Variants in CCDC39 observed in about 807,000 individuals in gnomAD.
CCDC39 encodes the protein coiled-coil domain-containing protein 39.
A neutral mutation model predicts 121.0 loss-of-function variants in CCDC39; 113 were observed. The ratio of observed to expected loss-of-function variants is 0.93; its 90% CI spans 0.80 to 1.09. CCDC39 has a LOEUF of 1.09. CCDC39 is among the 50% of genes least tolerant of loss of function. The pLI, the probability that CCDC39 is intolerant of heterozygous loss-of-function variation, is 0.00. For missense variants in CCDC39, 1,063 were observed against 1,074.7 expected (o/e 0.99, Z 0.15); for synonymous variants, 349 against 352.2 (o/e 0.99, Z 0.10).
chr3:180,654,689 G>A, intron 7 of CCDC39, 73 bp downstream of exon 7: 2 of 968,084 alleles, frequency 2.1e-6, no homozygotes, highest in Non-Finnish European at 2.9e-6. Context: ...CACAGGAAAA[G>A]CTTTATGCTT....
chr3:180,641,289 T>C (rs1717950031), intron 13 of CCDC39, among the ~76,000 whole-genome samples: 1 of 152,044 alleles, frequency 6.6e-6, no homozygotes. Flanking sequence ...GTAAAAGGTA[T>C]CTAAAAAATA....
chr3:180,642,029 T>C lies in CCDC39; in HGVS notation c.1838A>G (p.Gln613Arg), dbSNP rs775898446. Residue 613 changes from glutamine (Q) to arginine (R), a missense_variant, in exon 13 of 20, where the codon CAA (glutamine) becomes CGA (arginine). Physicochemically the swap from Gln to Arg is conservative, Grantham distance 43 (BLOSUM62 1). Transcript: ENST00000476379. ...IKVHKTMLAS[Q>R]IRYVDQEREN... ...CCGTTCTTGATCAACATATCTTATT[T>C]GTGACGCAAGCATTGTTTTATGAAC... 6.2e-7 allele frequency: 1 copy of C among 1,603,080 alleles called. No homozygotes were observed. The highest frequency in any genetic ancestry group is 1.1e-5 in the South Asian group (1 of 88,652).
chr3:180,655,541 G>C (rs1208313785), intron 6 of CCDC39, among the ~76,000 whole-genome samples: 1 of 131,330 alleles, frequency 7.6e-6, no homozygotes, highest in African/African-American at 2.8e-5. Context: ...GGATAGGGAA[G>C]AAAAAAAAAA....
chr3:180,627,444 T>A (rs975147552), intron 14 of CCDC39, among the ~76,000 whole-genome samples: 6 of 152,180 alleles, frequency 3.9e-5, no homozygotes, highest in African/African-American at 1.4e-4. Context: ...AGGAGTTGAA[T>A]TTGTTCATTT....
chr3:180,616,441 T>G, intron 18 of CCDC39, 75 bp downstream of exon 18: 1 of 1,506,292 alleles, frequency 6.6e-7, no homozygotes, highest in Non-Finnish European at 8.9e-7. Flanking sequence ...TAGCTTTCAC[T>G]TCATGATGAA....
chr3:180,617,128 C>G (rs1432981939), intron 16 of CCDC39, among the ~76,000 whole-genome samples, 162 bp from the exon 17 acceptor site: 1 of 151,978 alleles, frequency 6.6e-6, no homozygotes, highest in Non-Finnish European at 1.5e-5. Context: ...CAATGATGGA[C>G]TGTATATATG....
rs758021808 is a variant in CCDC39 at position 180,616,808 on chromosome 3, T to A, written c.2406+18A>T. 11 of 1,605,688 alleles carry A rather than the reference T, an allele frequency of 6.9e-6. No homozygotes were observed. The highest frequency in any genetic ancestry group is 9.4e-6 in the Non-Finnish European group (11 of 1,175,892). On this transcript the variant is annotated intron_variant, in intron 17 of 19. Transcript: ENST00000476379. ...AAAATGTAAATATGAAAGGTCAGTTTTTAAAAGATATCGATACCTGTTTGG... is the reference window on the plus strand; with the variant it reads ...AAAATGTAAATATGAAAGGTCAGTTATTAAAAGATATCGATACCTGTTTGG...
At chr3:180,664,098 A>G (rs1161263869) in intron 1 of CCDC39, 112 bp from the exon 2 acceptor site, 4 of 905,554 alleles carry the variant, frequency 4.4e-6, no homozygotes, top group African/African-American at 1.7e-5. Flanking sequence ...GTCAATTTGG[A>G]CTGCTATAAC....
intron 13 of CCDC39, among the ~76,000 whole-genome samples, chr3:180,633,090 C>G (rs1381709279): frequency 6.6e-6 from 1 of 152,156 alleles, no homozygotes; most frequent in African/African-American, 2.4e-5. Flanking sequence ...ACCATGAAAT[C>G]CTAACCCTGC....
At chr3:180,674,579 A>C (rs1712138686) in intron 1 of CCDC39, among the ~76,000 whole-genome samples, 1 of 152,182 alleles carries the variant, frequency 6.6e-6, no homozygotes. Flanking sequence ...GAATGCTTCC[A>C]GTTTTTGCCC....
In CCDC39 at chr3:180,676,285, A is replaced by G. The variant is rs1488539393; in HGVS notation, c.90+3006T>C. ...ATATCCAGAATCTACAAAGAACTCA[A>G]ACAAATTTACAAGAGAAAAACAAAC... is the stretch of plus-strand genomic sequence containing the variant. On this transcript the variant is annotated intron_variant, in intron 1 of 19. Coordinates refer to ENST00000476379, the MANE Select transcript of CCDC39 (RefSeq NM_181426.2). Among the ~76,000 whole-genome samples the G allele has an allele frequency of 5.3e-5, 8 of 152,216 alleles. No individual in the cohort carries two copies. In the East Asian group the frequency reaches 7.7e-4, roughly 15 times the overall value.
At chr3:180,657,980 C>G (rs1389506437) in intron 6 of CCDC39, among the ~76,000 whole-genome samples, 3 of 152,120 alleles carry the variant, frequency 2.0e-5, no homozygotes, top group Admixed American at 6.5e-5. Flanking sequence ...TGGCTCACGC[C>G]TGTAATCCCA....
chr3:180,623,417 C>G (rs1457368388), intron 14 of CCDC39, among the ~76,000 whole-genome samples: 2 of 151,880 alleles, frequency 1.3e-5, no homozygotes, highest in Non-Finnish European at 2.9e-5. Flanking sequence ...TTTCCTTGAT[C>G]ATTTGTAAAT....
At chr3:180,677,162 ATAATT>A (rs1366339549) in intron 1 of CCDC39, among the ~76,000 whole-genome samples, 8 of 84,580 alleles carry the variant, frequency 9.5e-5, no homozygotes, top group African/African-American at 4.0e-4. Flanking sequence ...AATAATAATA[ATAATT>A]TTATATATAT....
At chr3:180,627,284 A>G (rs1717586401) in intron 14 of CCDC39, among the ~76,000 whole-genome samples, 1 of 152,250 alleles carries the variant, frequency 6.6e-6, no homozygotes, top group Non-Finnish European at 1.5e-5. Context: ...TAGCAAAAAA[A>G]TTATAGAAAT....
At chr3:180,669,258 G>A (rs1711967883) in intron 1 of CCDC39, among the ~76,000 whole-genome samples, 1 of 151,850 alleles carries the variant, frequency 6.6e-6, no homozygotes, top group Non-Finnish European at 1.5e-5. Flanking sequence ...TAGCTTTTTA[G>A]TATGGTAGGG....
chr3:180,614,734 A>C lies in CCDC39; in HGVS notation c.*187T>G. On this transcript the variant is annotated 3_prime_UTR_variant, in exon 20 of 20. Coordinates refer to ENST00000476379, the MANE Select transcript of CCDC39 (RefSeq NM_181426.2). ...GTAGCCTTGTCAAGAATCTGCTATT[A>C]ATTTCTTCAGTATGAAGAAAACAGT... 4 of 520,622 alleles carry C rather than the reference A, an allele frequency of 7.7e-6. No homozygotes were observed. The highest frequency in any genetic ancestry group is 1.3e-5 in the Non-Finnish European group (4 of 302,116). The allele number at this position is 520,622 out of a possible 1,614,324, so 32.3% of individuals were successfully genotyped here. A position where few individuals can be genotyped will look rare whatever the true frequency, so the allele number is the denominator to read the frequency against.
chr3:180,624,390 C>T (rs963023588), intron 14 of CCDC39, among the ~76,000 whole-genome samples: 8 of 151,952 alleles, frequency 5.3e-5, no homozygotes, highest in African/African-American at 1.9e-4. Flanking sequence ...TTAATTGGGT[C>T]GTTTGATCCA....
In CCDC39 at chr3:180,614,132, C is replaced by T. The variant is rs1717126510; in HGVS notation, c.*789G>A. On this transcript the variant is annotated 3_prime_UTR_variant, in exon 20 of 20. Coordinates refer to ENST00000476379, the MANE Select transcript of CCDC39 (RefSeq NM_181426.2). ...TGGAAAAACTACTACATTTGGCAGTCTACCTCCAACTGTAAATGAAATTTC... is the reference window on the plus strand; with the variant it reads ...TGGAAAAACTACTACATTTGGCAGTTTACCTCCAACTGTAAATGAAATTTC... 5.9e-6 allele frequency: 1 copy of T among 170,658 alleles called. No individual in the cohort carries two copies. The highest frequency in any genetic ancestry group is 5.9e-5 in the Admixed American group (1 of 16,902). The allele number at this position is 170,658 out of a possible 1,614,324, so 10.6% of individuals were successfully genotyped here. A position where few individuals can be genotyped will look rare whatever the true frequency, so the allele number is the denominator to read the frequency against.
Sources: allele counts gnomAD v4.1 joint callset (sites outside exome capture counted in the v4.1 genomes callset), GRCh38; gene constraint gnomAD v4.1.1; transcripts MANE v1.5; gene names NCBI Gene and HGNC (gene_info 2026-07-23, HGNC 2026-07-21).